NEB: variants seen among roughly 807,000 people sequenced by gnomAD.
NEB encodes the protein nebulin.
Under a neutral mutation model 952.2 loss-of-function variants are expected in NEB, and 512 were observed. The ratio of observed to expected loss-of-function variants is 0.54; its 90% confidence interval spans 0.50 to 0.58. The LOEUF is 0.58. Ranked by LOEUF, NEB falls within the 20% of genes least tolerant of loss-of-function variation. The probability of loss-of-function intolerance (pLI) is 0.00; values close to 1 mark genes in which losing one functional copy is unlikely to be tolerated. For synonymous variants in NEB, 2,900 were observed against 3,149.8 expected (o/e 0.92, Z 2.66); for missense variants, 8,428 against 9,231.1 (o/e 0.91, Z 3.56).
chr2:151,513,419 C>T (rs773226887), intron 160 of NEB, among the ~76,000 whole-genome samples, 161 bp downstream of exon 160: 1 of 152,216 alleles, frequency 6.6e-6, no homozygotes, highest in East Asian at 1.9e-4. Context: ...GGCAAAGGGT[C>T]CTCCATCCTT....
chr2:151,679,855 A>C lies in NEB; in HGVS notation c.3148-27T>G, dbSNP rs780028621. ...TGAAAGAAAAATGTCATTTAAGTAC[A>C]ACTTAGAGACTGTGTTAGTAAAGTC... On this transcript the variant is annotated intron_variant, in intron 31 of 181. Transcript: ENST00000397345. 7 of 1,610,204 alleles carry C rather than the reference A, an allele frequency of 4.3e-6. 1 individual carries two copies. The South Asian group carries it at 7.7e-5, about 18-fold the overall frequency.
At chr2:151,617,223 A>G in intron 75 of NEB, 141 bp downstream of exon 75, 1 of 527,968 alleles carries the variant, frequency 1.9e-6, no homozygotes, top group Non-Finnish European at 3.3e-6. Flanking sequence ...TCAAAATTGA[A>G]TCAAGTGAGA....
chr2:151,674,360 A>C, intron 36 of NEB, 117 bp downstream of exon 36: 1 of 878,278 alleles, frequency 1.1e-6, no homozygotes, highest in Admixed American at 2.1e-5. Flanking sequence ...CAATATTTTG[A>C]GAATTTAAAT....
At position 151,529,194 on chromosome 2, in the gene NEB, A is replaced by C; in HGVS notation, c.21735+16T>G. ...GTAAATCCCCCACCATGCTTGGGGAAGTTTCTGGAACTTACATTGGTGTTG... is the reference window on the plus strand; with the variant it reads ...GTAAATCCCCCACCATGCTTGGGGACGTTTCTGGAACTTACATTGGTGTTG... On this transcript the variant is annotated intron_variant, in intron 146 of 181. Coordinates refer to ENST00000397345, the MANE Select transcript of NEB (RefSeq NM_001164508.2). 6.4e-7 allele frequency: 1 copy of C among 1,553,722 alleles called. No individual in the cohort carries two copies. The highest frequency in any genetic ancestry group is 1.1e-5 in the South Asian group (1 of 89,628).
At chr2:151,665,249 T>C (rs967966977) in intron 42 of NEB, 84 bp downstream of exon 42, 1 of 1,273,892 alleles carries the variant, frequency 7.8e-7, no homozygotes, top group South Asian at 1.3e-5. Context: ...AGAAACACTG[T>C]AGGAGACGAT....
At chr2:151,689,117 C>G (rs955651003) in intron 24 of NEB, 2 of 151,138 alleles carry the variant, frequency 1.3e-5, no homozygotes, top group African/African-American at 4.9e-5. Flanking sequence ...CTGGAGAACA[C>G]GAACTTCTGT....
Position 151,527,527 on chromosome 2 carries a change from C to A in NEB, c.21794G>T (p.Arg7265Leu). Residue 7265 changes from arginine to leucine, a missense_variant, in exon 147 of 182, where the codon CGA becomes CTA. Physicochemically the swap from Arg to Leu is moderately radical, Grantham distance 102. Coordinates refer to ENST00000397345, the MANE Select transcript of NEB (RefSeq NM_001164508.2). ...NKAHWKWTPD[R>L]PDFLQAAKSS... ...CTTGGCAGCCTGGAGGAAGTCCGGTCGGTCAGGAGTCCACTTCCAGTGGGC... is the reference window on the plus strand; with the variant it reads ...CTTGGCAGCCTGGAGGAAGTCCGGTAGGTCAGGAGTCCACTTCCAGTGGGC... 1 of 1,613,406 alleles carries A rather than the reference C, an allele frequency of 6.2e-7. No homozygotes were observed. The highest frequency in any genetic ancestry group is 1.1e-5 in the South Asian group (1 of 90,876).
chr2:151,497,970 C>T (rs946452229), intron 170 of NEB: 9 of 1,434,586 alleles, frequency 6.3e-6, no homozygotes, highest in African/African-American at 2.9e-5. Context: ...TTTGTGAGTA[C>T]GGTGCCTCCT....
chr2:151,726,876 G>C (rs570168676), intron 5 of NEB, among the ~76,000 whole-genome samples: 1 of 150,744 alleles, frequency 6.6e-6, no homozygotes, highest in East Asian at 1.9e-4. Flanking sequence ...AAAATAATTA[G>C]GAGATCCTAC....
Position 151,658,176 on chromosome 2 carries a change from C to CT in NEB, c.6076-87dup, listed in dbSNP as rs67239108. ...GAAGAGTAAACTACCACTGTGGCGT[C>CT]TTTTTTTTTGTTTTTGAGCAGAATG... is the stretch of plus-strand genomic sequence containing the variant. On this transcript the variant is annotated intron_variant, in intron 47 of 181. Coordinates refer to ENST00000397345, the MANE Select transcript of NEB (RefSeq NM_001164508.2). The CT allele has an allele frequency of 6.8e-3, 6,542 of 960,682 alleles. 31 individuals carry two copies. The highest frequency in any genetic ancestry group is 7.6e-3 in the Admixed American group (259 of 34,198). 59.5% of individuals were successfully genotyped at this position (960,682 alleles called of 1,614,324 possible). A position where few individuals can be genotyped will look rare whatever the true frequency, so the allele number is the denominator to read the frequency against.
At chr2:151,514,495 G>T in intron 158 of NEB, 67 bp from the exon 159 acceptor site, 1 of 1,275,866 alleles carries the variant, frequency 7.8e-7, no homozygotes, top group Middle Eastern at 1.9e-4. Context: ...AGGCAAAGAA[G>T]AAAATAAAAA....
chr2:151,702,956 G>C (rs903051925), intron 13 of NEB, among the ~76,000 whole-genome samples: 1 of 152,054 alleles, frequency 6.6e-6, no homozygotes, highest in East Asian at 1.9e-4. Flanking sequence ...TCCTAGTCTC[G>C]ATGGTCTTTA....
At chr2:151,567,546 A>T (rs900693904) in intron 113 of NEB, 67 bp from the exon 114 acceptor site, 1 of 1,450,212 alleles carries the variant, frequency 6.9e-7, no homozygotes, top group Non-Finnish European at 9.3e-7. Context: ...GGGCTTGATC[A>T]TCTACTAAGG....
At position 151,619,437 on chromosome 2, in the gene NEB, T is replaced by A. The variant is rs980684623; in HGVS notation, c.10872+14A>T. The A allele has an allele frequency of 3.2e-6, 5 of 1,579,502 alleles. No homozygotes were observed. Among genetic ancestry groups the A allele is most frequent in the South Asian group, 2.3e-5 (2 of 85,240 alleles). On this transcript the variant is annotated intron_variant, in intron 73 of 181. Transcript: ENST00000397345. The stretch of plus-strand genomic sequence containing the variant: ...CCGCTTTTAACATGCAGAGCTAACA[T>A]CAAGGAAACTTACGTCACTCTGGAG...
At chr2:151,622,668 T>A (rs964489233) in intron 71 of NEB, among the ~76,000 whole-genome samples, 1 of 152,192 alleles carries the variant, frequency 6.6e-6, no homozygotes, top group Non-Finnish European at 1.5e-5. Flanking sequence ...CTTGAATACT[T>A]TACCATGTAT....
At chr2:151,705,281 A>G (rs952297175) in intron 13 of NEB, among the ~76,000 whole-genome samples, 1 of 152,218 alleles carries the variant, frequency 6.6e-6, no homozygotes, top group Non-Finnish European at 1.5e-5. Flanking sequence ...TTAAATATGC[A>G]GCTGATAAAG....
At chr2:151,536,785 C>A (rs111640101) in intron 141 of NEB, among the ~76,000 whole-genome samples, 1 of 152,216 alleles carries the variant, frequency 6.6e-6, no homozygotes, top group Admixed American at 6.5e-5. Context: ...GTTTGCCCCA[C>A]GTCATACATT....
intron 68 of NEB, among the ~76,000 whole-genome samples, chr2:151,628,280 C>T (rs1040799675): frequency 3.3e-5 from 5 of 152,134 alleles, no homozygotes; most frequent in Admixed American, 1.3e-4. Flanking sequence ...TTTTATCCCT[C>T]CATCCAACAC....
At chr2:151,645,567 A>G (rs987031606) in intron 55 of NEB, among the ~76,000 whole-genome samples, 1 of 152,200 alleles carries the variant, frequency 6.6e-6, no homozygotes, top group African/African-American at 2.4e-5. Context: ...TTGATCTTGG[A>G]CTTGTGTTTA....
Sources: gnomAD v4.1 joint callset for allele counts (sites outside exome capture counted in the v4.1 genomes callset) on GRCh38, gnomAD v4.1.1 for gene constraint, MANE v1.5 for transcripts, NCBI Gene and HGNC (gene_info 2026-07-23, HGNC 2026-07-21) for gene names.